The following CNTN4 variants were observed in gnomAD, a reference collection of about 807,000 sequenced individuals.
The protein encoded by CNTN4 is contactin-4.
A neutral mutation model predicts 122.5 loss-of-function variants in CNTN4; 77 were observed. That is an observed-to-expected ratio of 0.63 (90% CI 0.52 to 0.76). The LOEUF (loss-of-function observed/expected upper bound fraction) is 0.76. Ranked by LOEUF, CNTN4 falls within the 30% of genes least tolerant of loss-of-function variation. The pLI, the probability that CNTN4 is intolerant of heterozygous loss-of-function variation, is 0.00. For missense variants in CNTN4, 1,256 were observed against 1,259.1 expected, an observed-to-expected ratio of 1.00 and a Z score of 0.04; for synonymous variants, 512 against 447.0, an observed-to-expected ratio of 1.15 and a Z score of -1.83.
In CNTN4 at chr3:2,522,616, G is replaced by A. The variant is rs116729880; in HGVS notation, c.-88-48800G>A. 6.4e-3 allele frequency among the ~76,000 whole-genome samples: 976 copies of A among 152,202 alleles called. 18 individuals carry two copies. The highest frequency in any genetic ancestry group is 0.022 in the African/African-American group (934 of 41,536). On this transcript the variant is annotated intron_variant, in intron 3 of 24. Coordinates refer to ENST00000418658, the MANE Select transcript of CNTN4 (RefSeq NM_175607.3). Reference sequence around the variant, plus strand: ...AAGAGTGCAAACATTAGGTAGTGATGCTAGTAGAAAAACAGTTTGGACAGT... The same window carrying A: ...AAGAGTGCAAACATTAGGTAGTGATACTAGTAGAAAAACAGTTTGGACAGT...
At position 2,139,901 on chromosome 3, in the gene CNTN4, C is replaced by G. The variant is rs776378411; in HGVS notation, c.-145+39262C>G. On this transcript the variant is annotated intron_variant, in intron 2 of 24. Transcript: ENST00000418658. ...CACCTGATACGGTTTGTCTGTGTAC[C>G]CACCCAAATTTAATCTTGAATTGTA... Among the ~76,000 whole-genome samples the G allele has an allele frequency of 1.4e-4, 22 of 152,336 alleles. 1 individual carries two copies. In the South Asian group the frequency reaches 3.9e-3, roughly 27 times the overall value.
chr3:2,160,964 C>G (rs1486979019), intron 2 of CNTN4, among the ~76,000 whole-genome samples: 1 of 151,918 alleles, frequency 6.6e-6, no homozygotes. Context: ...AGAATAGAAG[C>G]TAAATAACTA....
At chr3:2,724,289 A>G (rs192814788) in intron 4 of CNTN4, among the ~76,000 whole-genome samples, 6 of 152,230 alleles carry the variant, frequency 3.9e-5, no homozygotes, top group East Asian at 1.9e-4. Flanking sequence ...TAAAATACCA[A>G]TGTCCCACCA....
In CNTN4 at chr3:2,257,360, A is replaced by G. The variant is rs189946302; in HGVS notation, c.-144-81818A>G. 2.6e-3 allele frequency among the ~76,000 whole-genome samples: 393 copies of G among 152,366 alleles called. 1 individual carries two copies. Among genetic ancestry groups the G allele is most frequent in the African/African-American group, 9.2e-3 (383 of 41,584 alleles). On this transcript the variant is annotated intron_variant, in intron 2 of 24. Transcript: ENST00000418658. ...CACAGAAGAAAACCTAGGCAATACC[A>G]TCTAGGACATAGGCATGGGCAAAGA...
chr3:2,223,333 C>T (rs1192064306), intron 2 of CNTN4, among the ~76,000 whole-genome samples: 3 of 152,138 alleles, frequency 2.0e-5, no homozygotes, highest in Non-Finnish European at 4.4e-5. Context: ...TCCCATGCTT[C>T]CTAGGCATCC....
chr3:2,816,274 A>G (rs1303479099), intron 6 of CNTN4, among the ~76,000 whole-genome samples: 1 of 148,426 alleles, frequency 6.7e-6, no homozygotes, highest in Non-Finnish European at 1.5e-5. Flanking sequence ...GAATGGCGTG[A>G]ACCCAGGAGG....
intron 18 of CNTN4, among the ~76,000 whole-genome samples, chr3:3,038,542 TCTGCCTGGG>T (rs1699840616): frequency 6.6e-6 from 1 of 152,144 alleles, no homozygotes; most frequent in Admixed American, 6.5e-5. Context: ...GCTTGTAAGC[TCTGCCTGGG>T]CAGAGCTTGT....
rs563317741 is a variant in CNTN4 at position 2,736,770 on chromosome 3, TTTTATTTA to T, written c.182+462_182+469del. 4.3e-3 allele frequency among the ~76,000 whole-genome samples: 593 copies of T among 137,422 alleles called. 3 individuals carry two copies. Among genetic ancestry groups the T allele is most frequent in the Middle Eastern group, 0.019 (5 of 260 alleles). The allele number at this position is 137,422 out of a possible 152,430, so 90.2% of individuals were successfully genotyped here. ...GAGCCACCACACCCGGACCAAGAGCTTTTATTTATTTATTTATTTATTTATTTATTTAT... is the reference window on the plus strand; with the variant it reads ...GAGCCACCACACCCGGACCAAGAGCTTTTATTTATTTATTTATTTATTTAT... On this transcript the variant is annotated intron_variant, in intron 5 of 24. Coordinates refer to ENST00000418658, the MANE Select transcript of CNTN4 (RefSeq NM_175607.3).
chr3:2,503,686 A>C (rs557841878), intron 3 of CNTN4, among the ~76,000 whole-genome samples: 27 of 152,230 alleles, frequency 1.8e-4, no homozygotes, highest in African/African-American at 6.3e-4. Flanking sequence ...TAAAAGATTG[A>C]GAGGATTTTT....
At chr3:2,381,898 A>G (rs570584632) in intron 3 of CNTN4, among the ~76,000 whole-genome samples, 1 of 152,332 alleles carries the variant, frequency 6.6e-6, no homozygotes, top group Admixed American at 6.5e-5. Flanking sequence ...TTCTAAGACC[A>G]AATTGTCTCT....
chr3:2,602,182 C>G (rs1207830559), intron 4 of CNTN4, among the ~76,000 whole-genome samples: 1 of 152,148 alleles, frequency 6.6e-6, no homozygotes, highest in Non-Finnish European at 1.5e-5. Context: ...AAAACTGGCA[C>G]AAGACAGGGA....
At chr3:2,621,182 T>C (rs764414823) in intron 4 of CNTN4, among the ~76,000 whole-genome samples, 2 of 152,134 alleles carry the variant, frequency 1.3e-5, no homozygotes, top group Non-Finnish European at 2.9e-5. Context: ...CGCGTCTTCC[T>C]CCTCACCTTC....
At chr3:2,408,285 G>T (rs2047109918) in intron 3 of CNTN4, among the ~76,000 whole-genome samples, 1 of 152,084 alleles carries the variant, frequency 6.6e-6, no homozygotes, top group South Asian at 2.1e-4. Flanking sequence ...TTTTAATGAG[G>T]TCTCCCAGTA....
At chr3:2,772,693 G>GAGAGCA (rs2091156385) in intron 6 of CNTN4, among the ~76,000 whole-genome samples, 1 of 152,152 alleles carries the variant, frequency 6.6e-6, no homozygotes, top group East Asian at 1.9e-4. Flanking sequence ...CTTATCTGTA[G>GAGAGCA]GATACTCAGC....
intron 2 of CNTN4, among the ~76,000 whole-genome samples, chr3:2,112,242 T>C (rs568337754): frequency 2.0e-5 from 3 of 152,150 alleles, no homozygotes; most frequent in Admixed American, 6.5e-5. Flanking sequence ...GTAAAAGAAA[T>C]GCTGACAGTG....
At position 2,932,221 on chromosome 3, in the gene CNTN4, CA is replaced by C. The variant is rs1396006758; in HGVS notation, c.1358+6449del. Among the ~76,000 whole-genome samples, 6 of 151,730 alleles carry C rather than the reference CA, an allele frequency of 4.0e-5. No homozygotes were observed. In the East Asian group the frequency reaches 9.7e-4, roughly 25 times the overall value. ...TGAAACCCTCTCTTTACTAAAAATA[CA>C]AAAAAATTAGCCGGGCGTGGTGGTG... On this transcript the variant is annotated intron_variant, in intron 13 of 24. Coordinates refer to ENST00000418658, the MANE Select transcript of CNTN4 (RefSeq NM_175607.3).
chr3:2,850,685 A>T (rs2093534998), intron 7 of CNTN4, among the ~76,000 whole-genome samples: 1 of 152,238 alleles, frequency 6.6e-6, no homozygotes, highest in South Asian at 2.1e-4. Flanking sequence ...AGAGTTTCTC[A>T]ATTTCCCATG....
intron 2 of CNTN4, among the ~76,000 whole-genome samples, chr3:2,118,595 G>A (rs2125182250): frequency 6.6e-6 from 1 of 152,322 alleles, no homozygotes; most frequent in African/African-American, 2.4e-5. Context: ...TAATCTGAAT[G>A]TATTTGAATA....
At chr3:2,717,802 A>G (rs1210105583) in intron 4 of CNTN4, among the ~76,000 whole-genome samples, 1 of 149,776 alleles carries the variant, frequency 6.7e-6, no homozygotes, top group Non-Finnish European at 1.5e-5. Flanking sequence ...AATACTTGCC[A>G]TCATTTATTT....
Sources: gnomAD v4.1 joint callset for allele counts (sites outside exome capture counted in the v4.1 genomes callset) on GRCh38, gnomAD v4.1.1 for gene constraint, MANE v1.5 for transcripts, NCBI Gene and HGNC (gene_info 2026-07-23, HGNC 2026-07-21) for gene names.